Variants in GABRG3 observed in about 807,000 individuals in gnomAD.
The protein encoded by GABRG3 is gamma-aminobutyric acid receptor subunit gamma-3.
In GABRG3, 25 loss-of-function variants were observed where a neutral mutation model predicts 48.8. The observed-to-expected ratio is 0.51, with a 90% CI of 0.37 to 0.72. The LOEUF (loss-of-function observed/expected upper bound fraction) is 0.72. Among genes scored for constraint, GABRG3 ranks in the 30% least tolerant of loss-of-function variants. The pLI is 0.00. For missense variants in GABRG3, 394 were observed against 577.9 expected (o/e 0.68, Z 3.26); for synonymous variants, 227 against 217.6 (o/e 1.04, Z -0.38).
intron 5 of GABRG3, among the ~76,000 whole-genome samples, chr15:27,478,215 A>C (rs1890006513): frequency 6.6e-6 from 1 of 152,238 alleles, no homozygotes; most frequent in African/African-American, 2.4e-5. Context: ...CTTCAAAAGA[A>C]AAGATGAACC....
chr15:27,152,514 A>G (rs1224352634), intron 3 of GABRG3, among the ~76,000 whole-genome samples: 1 of 152,156 alleles, frequency 6.6e-6, no homozygotes, highest in Non-Finnish European at 1.5e-5. Flanking sequence ...CTCTGTTTCT[A>G]CAGAAATCTT....
At chr15:27,316,627 C>T (rs917121289) in intron 3 of GABRG3, among the ~76,000 whole-genome samples, 1 of 152,154 alleles carries the variant, frequency 6.6e-6, no homozygotes, top group African/African-American at 2.4e-5. Context: ...ATACTCTACG[C>T]TTTTAACTTA....
At chr15:26,986,426 G>A (rs1184143910) in intron 2 of GABRG3, among the ~76,000 whole-genome samples, 1 of 152,072 alleles carries the variant, frequency 6.6e-6, no homozygotes, top group African/African-American at 2.4e-5. Flanking sequence ...AAAGGCCGCC[G>A]AGTTCAGACC....
chr15:27,265,061 C>T (rs1890876420), intron 3 of GABRG3, among the ~76,000 whole-genome samples: 1 of 152,110 alleles, frequency 6.6e-6, no homozygotes, highest in African/African-American at 2.4e-5. Flanking sequence ...AGCCTAACAA[C>T]CTTATAATAA....
rs1896476532 is a variant in GABRG3, at chr15:27,052,727, C to T, written c.270+25906C>T. 3.3e-5 allele frequency among the ~76,000 whole-genome samples: 5 copies of T among 152,250 alleles called. No homozygotes were observed. The South Asian group carries it at 1.0e-3, about 32-fold the overall frequency. On this transcript the variant is annotated intron_variant, in intron 3 of 9. Transcript: ENST00000615808. ...TGGACAATTTGGGGGAAAGATTAAC[C>T]TGGATCAAAAGAAGAGGGAAACACA...
intron 5 of GABRG3, among the ~76,000 whole-genome samples, chr15:27,391,522 C>T (rs1296548487): frequency 5.3e-5 from 8 of 152,118 alleles, no homozygotes; most frequent in Non-Finnish European, 1.0e-4. Context: ...AGGAACTGTT[C>T]TAACACCTTC....
At chr15:27,399,212 C>T (rs551282703) in intron 5 of GABRG3, among the ~76,000 whole-genome samples, 2 of 152,320 alleles carry the variant, frequency 1.3e-5, no homozygotes, top group African/African-American at 4.8e-5. Context: ...CTATTGAACA[C>T]TTCCTCTGAG....
At chr15:27,292,712 G>T (rs543001505) in intron 3 of GABRG3, among the ~76,000 whole-genome samples, 3 of 152,196 alleles carry the variant, frequency 2.0e-5, no homozygotes, top group Non-Finnish European at 4.4e-5. Flanking sequence ...GCTGAAATGA[G>T]GACTGTGTCT....
At chr15:27,136,009 C>T (rs1405672363) in intron 3 of GABRG3, among the ~76,000 whole-genome samples, 2 of 152,190 alleles carry the variant, frequency 1.3e-5, no homozygotes, top group East Asian at 1.9e-4. Flanking sequence ...TCAGAAAGCT[C>T]AGTTCCTCCC....
intron 5 of GABRG3, among the ~76,000 whole-genome samples, chr15:27,433,365 A>G (rs1030012963): frequency 5.3e-5 from 8 of 152,164 alleles, no homozygotes; most frequent in Non-Finnish European, 1.0e-4. Context: ...ATGTCAGGAA[A>G]CCTGTGTTTC....
chr15:27,196,811 A>G (rs963971971), intron 3 of GABRG3, among the ~76,000 whole-genome samples: 1 of 152,214 alleles, frequency 6.6e-6, no homozygotes, highest in Admixed American at 6.5e-5. Flanking sequence ...TATGGGCAGT[A>G]GCCTCAGGAT....
At chr15:27,501,677 A>G (rs1890644092) in intron 6 of GABRG3, among the ~76,000 whole-genome samples, 2 of 152,154 alleles carry the variant, frequency 1.3e-5, no homozygotes, top group South Asian at 4.1e-4. Flanking sequence ...AAAGGAAAAT[A>G]TGCTTATGAA....
intron 3 of GABRG3, among the ~76,000 whole-genome samples, chr15:27,293,056 G>T (rs2140487603): frequency 6.6e-6 from 1 of 152,232 alleles, no homozygotes. Context: ...AGGTTCCTGG[G>T]GCGATGCCGT....
Position 27,169,037 on chromosome 15 carries a change from G to C in GABRG3, c.270+142216G>C, listed in dbSNP as rs1887475966. Among the ~76,000 whole-genome samples, 3 of 152,280 alleles carry C rather than the reference G, an allele frequency of 2.0e-5. No individual in the cohort carries two copies. The South Asian group carries it at 6.2e-4, about 32-fold the overall frequency. On this transcript the variant is annotated intron_variant, in intron 3 of 9. Coordinates refer to ENST00000615808, the MANE Select transcript of GABRG3 (RefSeq NM_033223.5). ...TAGCTGAGCACACAATAGGCATGTGGGCCAAGTACTGTGCCAAGGACTGGG... is the reference window on the plus strand; with the variant it reads ...TAGCTGAGCACACAATAGGCATGTGCGCCAAGTACTGTGCCAAGGACTGGG...
At chr15:27,015,676 C>A (rs1014111923) in intron 2 of GABRG3, among the ~76,000 whole-genome samples, 4 of 152,048 alleles carry the variant, frequency 2.6e-5, no homozygotes, top group Non-Finnish European at 5.9e-5. Context: ...TGTGAGCCAC[C>A]GCGCCCGGCC....
intron 3 of GABRG3, among the ~76,000 whole-genome samples, chr15:27,302,687 A>C (rs1269333468): frequency 6.6e-6 from 1 of 152,052 alleles, no homozygotes; most frequent in Non-Finnish European, 1.5e-5. Context: ...CAGAAGGCAC[A>C]AGTGCCCATA....
chr15:27,496,152 C>T (rs971042442), intron 6 of GABRG3, among the ~76,000 whole-genome samples: 17 of 152,116 alleles, frequency 1.1e-4, no homozygotes, highest in African/African-American at 1.9e-4. Context: ...GATTTGACAC[C>T]GTGCCAGGAG....
At chr15:27,123,468 A>G (rs1897765890) in intron 3 of GABRG3, among the ~76,000 whole-genome samples, 1 of 152,232 alleles carries the variant, frequency 6.6e-6, no homozygotes, top group Admixed American at 6.5e-5. Flanking sequence ...GGCACTGTCT[A>G]TGAGGAACAG....
chr15:27,304,588 A>G (rs2140495457), intron 3 of GABRG3, among the ~76,000 whole-genome samples: 1 of 151,992 alleles, frequency 6.6e-6, no homozygotes, highest in South Asian at 2.1e-4. Context: ...AAAGCCACCC[A>G]CATTCCCCCA....
Sources: gnomAD v4.1 joint callset for allele counts (sites outside exome capture counted in the v4.1 genomes callset) on GRCh38, gnomAD v4.1.1 for gene constraint, MANE v1.5 for transcripts, NCBI Gene and HGNC (gene_info 2026-07-23, HGNC 2026-07-21) for gene names.